The following RPF2 variants were observed in gnomAD, a reference collection of about 807,000 sequenced individuals.
RPF2 encodes the protein brix domain containing 1.
A neutral mutation model predicts 38.9 loss-of-function variants in RPF2; 21 were observed. The ratio of observed to expected loss-of-function variants is 0.54; its 90% CI spans 0.38 to 0.78. RPF2 has a LOEUF of 0.78. RPF2 is among the 30% of genes least tolerant of loss of function. RPF2 has a pLI of 0.00. For synonymous variants in RPF2, 121 were observed against 126.2 expected, an observed-to-expected ratio of 0.96 and a Z score of 0.28; for missense variants, 314 against 358.1, an observed-to-expected ratio of 0.88 and a Z score of 0.99.
chr6:111,016,086 T>G (rs569762372), intron 8 of RPF2, among the ~76,000 whole-genome samples: 1 of 152,336 alleles, frequency 6.6e-6, no homozygotes, highest in East Asian at 1.9e-4. Flanking sequence ...CTGAGCCAGG[T>G]GCACCAACCC....
rs1236664940 is a variant in RPF2, at chr6:111,027,954, T to C, written c.*2372T>C. The stretch of plus-strand genomic sequence containing the variant: ...ACTTTAGAATACAACACACATAAAT[T>C]GGAGACTATGTATTCATTTCAATGG... On this transcript the variant is annotated 3_prime_UTR_variant, in exon 10 of 10. Coordinates refer to ENST00000441448, the MANE Select transcript of RPF2 (RefSeq NM_032194.3). The C allele has an allele frequency of 6.6e-6, 1 of 152,214 alleles. No homozygotes were observed. Among genetic ancestry groups the C allele is most frequent in the Non-Finnish European group, 1.5e-5 (1 of 68,026 alleles). The allele number at this position is 152,214 out of a possible 1,614,324, so 9.4% of individuals were successfully genotyped here.
intron 7 of RPF2, among the ~76,000 whole-genome samples, chr6:111,012,003 T>C (rs559434551): frequency 5.6e-4 from 85 of 152,064 alleles, no homozygotes; most frequent in Non-Finnish European, 9.3e-4. Flanking sequence ...TTGGTTTATG[T>C]TGTGTGTTCA....
chr6:110,985,139 G>A lies in RPF2; in HGVS notation c.156+1G>A. 6.2e-7 allele frequency: 1 copy of A among 1,611,600 alleles called. No individual in the cohort carries two copies. The highest frequency in any genetic ancestry group is 1.1e-5 in the South Asian group (1 of 90,914). On this transcript the variant is annotated splice_donor_variant, in intron 2 of 9. Coordinates refer to ENST00000441448, the MANE Select transcript of RPF2 (RefSeq NM_032194.3). LOFTEE classifies it high-confidence loss of function. ...AGTGACAAAAGTACTTAAAGATGTG[G>A]TAAGTATATATACTTAATCTTTAAA...
intron 7 of RPF2, among the ~76,000 whole-genome samples, chr6:111,014,054 G>T (rs908156808): frequency 1.5e-4 from 23 of 150,366 alleles, no homozygotes; most frequent in Non-Finnish European, 3.0e-5. Context: ...TTTCTTGTTT[G>T]GGGGAGTAGA....
intron 4 of RPF2, among the ~76,000 whole-genome samples, chr6:110,994,219 G>A (rs1771668396): frequency 6.6e-6 from 1 of 150,520 alleles, no homozygotes; most frequent in African/African-American, 2.5e-5. Flanking sequence ...AGGTTGCGGT[G>A]AGCCAAGATT....
chr6:111,005,865 G>GC (rs1225461821), intron 6 of RPF2, among the ~76,000 whole-genome samples: 1 of 152,098 alleles, frequency 6.6e-6, no homozygotes, highest in Admixed American at 6.6e-5. Context: ...AGGCTGGAGT[G>GC]CTGTGGCGCT....
intron 8 of RPF2, among the ~76,000 whole-genome samples, chr6:111,019,917 CTTTT>C (rs896439854): frequency 4.0e-5 from 6 of 148,958 alleles, no homozygotes; most frequent in African/African-American, 1.0e-4. Flanking sequence ...TCTTTTCTTT[CTTTT>C]GTTTTTTTTT....
At chr6:111,012,245 G>A (rs1772030396) in intron 7 of RPF2, among the ~76,000 whole-genome samples, 1 of 146,646 alleles carries the variant, frequency 6.8e-6, no homozygotes, top group Admixed American at 7.0e-5. Context: ...ATGGCTCACT[G>A]CTGTAGCCTT....
At chr6:111,009,573 TAACAAGA>T (rs1583270476) in intron 7 of RPF2, among the ~76,000 whole-genome samples, 1 of 152,222 alleles carries the variant, frequency 6.6e-6, no homozygotes, top group East Asian at 1.9e-4. Flanking sequence ...TGCTTCATTC[TAACAAGA>T]ACCTTGTGAG....
intron 5 of RPF2, among the ~76,000 whole-genome samples, chr6:110,998,489 G>A (rs1388099436): frequency 1.3e-5 from 2 of 152,168 alleles, no homozygotes; most frequent in Non-Finnish European, 1.5e-5. Flanking sequence ...AATTACAGGC[G>A]TGAGCCACTG....
At chr6:111,007,980 A>G in intron 6 of RPF2, 58 bp from the exon 7 acceptor site, 1 of 1,473,836 alleles carries the variant, frequency 6.8e-7, no homozygotes, top group Non-Finnish European at 9.0e-7. Flanking sequence ...AACAAAATCA[A>G]TATATAAACA....
chr6:111,016,683 C>CTTTTTTTTTTTTTTTT (rs1397812113), intron 8 of RPF2, among the ~76,000 whole-genome samples: 104 of 105,808 alleles, frequency 9.8e-4, no homozygotes, highest in East Asian at 1.7e-3. Flanking sequence ...TTTTTTTTTT[C>CTTTTTTTTTTTTTTTT]TTTCTTTTTT....
chr6:111,008,095 G>T lies in RPF2; in HGVS notation c.451G>T (p.Asp151Tyr), dbSNP rs773025864. 4 of 1,600,180 alleles carry T rather than the reference G, an allele frequency of 2.5e-6. No homozygotes were observed. In the African/African-American group the frequency reaches 5.5e-5, roughly 22 times the overall value. The change falls in exon 7 of 10, where the codon GAT becomes TAT. Residue 151 changes from aspartate (D) to tyrosine (Y), a missense_variant. Asp to Tyr is a radical substitution (Grantham distance 160). Transcript: ENST00000441448. The stretch of plus-strand genomic sequence containing the variant: ...GCTGATATTTGCTGGCGATGATTTC[G>T]ATGTAACAGAAGATTATAGAAGACT... Reference protein sequence around the residue: ...PMLIFAGDDFDVTEDYRRLKS... With the variant: ...PMLIFAGDDFYVTEDYRRLKS...
chr6:110,987,160 C>T (rs1164192889), intron 2 of RPF2, among the ~76,000 whole-genome samples: 11 of 151,852 alleles, frequency 7.2e-5, no homozygotes, highest in African/African-American at 1.7e-4. Flanking sequence ...CTCTGACTCC[C>T]GGGTTCAGGC....
chr6:110,986,057 T>C (rs1185792741), intron 2 of RPF2, among the ~76,000 whole-genome samples: 2 of 152,010 alleles, frequency 1.3e-5, no homozygotes, highest in Admixed American at 6.6e-5. Flanking sequence ...AAAGAGAAGA[T>C]CCTCTGAGGC....
intron 4 of RPF2, among the ~76,000 whole-genome samples, chr6:110,992,171 G>C (rs971446149): frequency 6.6e-6 from 1 of 152,066 alleles, no homozygotes; most frequent in Non-Finnish European, 1.5e-5. Flanking sequence ...TTAGCCGGGC[G>C]TGATGGCACA....
chr6:111,011,131 GC>G (rs1390495980), intron 7 of RPF2, among the ~76,000 whole-genome samples: 1 of 152,062 alleles, frequency 6.6e-6, no homozygotes. Flanking sequence ...TGTCCATCTT[GC>G]CTGTGGTAAA....
intron 1 of RPF2, among the ~76,000 whole-genome samples, chr6:110,982,887 C>T (rs1007903430): frequency 6.6e-6 from 1 of 152,102 alleles, no homozygotes; most frequent in African/African-American, 2.4e-5. Flanking sequence ...CTAGTTCACA[C>T]GTTAATTGGG....
rs1395478412 is a variant in RPF2, at chr6:111,028,007, T to C, written c.*2425T>C. 6.6e-6 allele frequency: 1 copy of C among 152,238 alleles called. No individual in the cohort carries two copies. Among genetic ancestry groups the C allele is most frequent in the Non-Finnish European group, 1.5e-5 (1 of 68,036 alleles). 9.4% of individuals were successfully genotyped at this position (152,238 alleles called of 1,614,324 possible). Reference sequence around the variant, plus strand: ...GTGGTAAATTGCCTGTTTTAAGTTTTACTTAATGTTGGGTTTTGGTAGATG... The same window carrying C: ...GTGGTAAATTGCCTGTTTTAAGTTTCACTTAATGTTGGGTTTTGGTAGATG... On this transcript the variant is annotated 3_prime_UTR_variant, in exon 10 of 10. Transcript: ENST00000441448.
Sources: allele counts gnomAD v4.1 joint callset (sites outside exome capture counted in the v4.1 genomes callset), GRCh38; gene constraint gnomAD v4.1.1; transcripts MANE v1.5; gene names NCBI Gene and HGNC (gene_info 2026-07-23, HGNC 2026-07-21).